The following SLC25A29 variants were observed in gnomAD, a reference collection of about 807,000 sequenced individuals.
SLC25A29 encodes the protein mitochondrial basic amino acids transporter.
A neutral mutation model predicts 10.0 loss-of-function variants in SLC25A29; 13 were observed. The ratio of observed to expected loss-of-function variants is 1.30; its 90% confidence interval spans 0.85 to 2.07. The LOEUF is 2.07. Among genes scored for constraint, SLC25A29 ranks in the 30% most tolerant of loss-of-function variants. The probability of loss-of-function intolerance (pLI) is 0.00; values close to 1 mark genes in which losing one functional copy is unlikely to be tolerated. For synonymous variants in SLC25A29, 244 were observed against 221.1 expected (o/e 1.10, Z -0.92); for missense variants, 475 against 447.6 (o/e 1.06, Z -0.55).
downstream of SLC25A29, among the ~76,000 whole-genome samples, chr14:100,288,002 C>T (rs926534250): frequency 6.6e-6 from 1 of 152,108 alleles, no homozygotes; most frequent in Admixed American, 6.6e-5. Context: ...GGTCAGAGAC[C>T]AGAGGTCAAG....
At chr14:100,290,226 T>C (rs940618772), downstream of SLC25A29, among the ~76,000 whole-genome samples, 4 of 152,310 alleles carry the variant, frequency 2.6e-5, no homozygotes, top group African/African-American at 9.6e-5. Flanking sequence ...CCTGAGAGAT[T>C]CAGCCACCCA....
rs1891830878 is a variant in SLC25A29, at chr14:100,292,760, C to T, written c.435G>A (p.Glu145=). ...TGCCCCGGTTGACGCCACGCAGACC[C>T]TCGTGCCCGTAGATCTGCGCGAGGC... ...LDCLAQIYGH[E]GLRGVNRGMV... Residue 145 remains glutamate (E), a synonymous_variant, in exon 4 of 4, where the codon GAG becomes GAA. Transcript: ENST00000359232. 1 of 1,601,232 alleles carries T rather than the reference C, an allele frequency of 6.2e-7. No individual in the cohort carries two copies. Among genetic ancestry groups the T allele is most frequent in the Non-Finnish European group, 8.5e-7 (1 of 1,175,360 alleles).
downstream of SLC25A29, among the ~76,000 whole-genome samples, chr14:100,287,672 G>C: frequency 7.8e-6 from 1 of 127,950 alleles, no homozygotes; most frequent in Non-Finnish European, 1.5e-5. Flanking sequence ...CCTCTGGCTT[G>C]GACTCCCTCA....
the SLC25A29 span, among the ~76,000 whole-genome samples, chr14:100,284,411 T>G: frequency 6.6e-6 from 1 of 152,200 alleles, no homozygotes; most frequent in Non-Finnish European, 1.5e-5. Context: ...CCTCGGTCCT[T>G]GCTGACCTCC....
intron 3 of SLC25A29, 28 bp from the exon 4 acceptor site, chr14:100,293,060 C>T (rs1046151434): frequency 2.7e-6 from 4 of 1,500,550 alleles, no homozygotes; most frequent in Admixed American, 2.2e-5. Flanking sequence ...CCATCAGAGC[C>T]GGCAACGCGC....
the SLC25A29 span, among the ~76,000 whole-genome samples, chr14:100,283,727 C>T: frequency 8.5e-5 from 13 of 152,138 alleles, no homozygotes; most frequent in African/African-American, 2.4e-4. Context: ...ACAATCCACC[C>T]GCCTCGGCCT....
chr14:100,293,698 G>A (rs1891942807), intron 2 of SLC25A29: 2 of 289,110 alleles, frequency 6.9e-6, no homozygotes, highest in Non-Finnish European at 1.3e-5. Flanking sequence ...ACGACCTCCT[G>A]AGACTGGCCC....
In SLC25A29 at chr14:100,292,533, C is replaced by T. The variant is rs753685933; in HGVS notation, c.662G>A (p.Gly221Glu). ...DVVKSRLQAD[G>E]LRGAPRYRGI... ...GCGGTAGCGCGGGGCGCCCCGCAGT[C>T]CGTCCGCCTGCAGCCGCGACTTGAC... Residue 221 changes from glycine to glutamate, a missense_variant, in exon 4 of 4, where the codon GGA (glycine) becomes GAA (glutamate). Coordinates refer to ENST00000359232, the MANE Select transcript of SLC25A29 (RefSeq NM_001039355.3). The T allele has an allele frequency of 1.6e-5, 26 of 1,593,768 alleles. No individual in the cohort carries two copies. The highest frequency in any genetic ancestry group is 2.2e-5 in the Non-Finnish European group (26 of 1,171,804).
At chr14:100,305,707 G>A (rs1406130298) in intron 1 of SLC25A29, 1 of 149,714 alleles carries the variant, frequency 6.7e-6, no homozygotes, top group African/African-American at 2.5e-5. Flanking sequence ...CTCGGCGCCA[G>A]AGTGGTTCAG....
rs551454213 is a variant in SLC25A29, at chr14:100,296,857, A to C, written c.78+1985T>G. Among the ~76,000 whole-genome samples the C allele has an allele frequency of 2.4e-4, 37 of 152,158 alleles. No homozygotes were observed. The South Asian group carries it at 6.0e-3, about 25-fold the overall frequency. ...TTGTGATCCGCCCGCCTCAGCCTCC[A>C]GAAGTGCTGGGATTACAGGCATGAG... On this transcript the variant is annotated intron_variant, in intron 2 of 3. Coordinates refer to ENST00000359232, the MANE Select transcript of SLC25A29 (RefSeq NM_001039355.3).
chr14:100,299,737 G>GGTCAGGTAA (rs1892416741), intron 1 of SLC25A29: 1 of 985,128 alleles, frequency 1.0e-6, no homozygotes, highest in African/African-American at 1.7e-5. Context: ...GGCTCAGTGA[G>GGTCAGGTAA]GTCAGGTAAC....
downstream of SLC25A29, among the ~76,000 whole-genome samples, chr14:100,286,336 T>C (rs1231269328): frequency 3.9e-5 from 6 of 152,184 alleles, no homozygotes; most frequent in African/African-American, 1.4e-4. Flanking sequence ...CATGTTCCCC[T>C]GTGTCTGCTC....
intron 2 of SLC25A29, 125 bp from the exon 3 acceptor site, chr14:100,293,502 C>A: frequency 1.4e-6 from 1 of 740,218 alleles, no homozygotes; most frequent in Non-Finnish European, 2.2e-6. Flanking sequence ...CAGTCTAAGA[C>A]TTTTGTAATT....
the SLC25A29 span, chr14:100,282,295 T>C: frequency 9.4e-5 from 3 of 31,752 alleles, no homozygotes; most frequent in South Asian, 3.1e-3. Context: ...ACCCAGATGC[T>C]GTAAAAAAAA....
At chr14:100,286,607 C>G (rs564065642), downstream of SLC25A29, among the ~76,000 whole-genome samples, 1 of 152,348 alleles carries the variant, frequency 6.6e-6, no homozygotes, top group East Asian at 1.9e-4. Flanking sequence ...CCCTCAGCCT[C>G]TGCCCTATCT....
rs773643567 is a variant in SLC25A29 at position 100,293,310 on chromosome 14, A to T, written c.146T>A (p.Ile49Asn). Residue 49 changes from isoleucine (I) to asparagine (N), a missense_variant, in exon 3 of 4, where the codon ATC becomes AAC. Transcript: ENST00000359232. ...GCCACTCACGCTCTCTTGCTTGATG[A>T]TGGACTTGAAGCAGTGCAACGTCCC... ...YRGTLHCFKS[I>N]IKQESVLGLY... The T allele has an allele frequency of 6.2e-7, 1 of 1,613,296 alleles. No homozygotes were observed. Among genetic ancestry groups the T allele is most frequent in the Non-Finnish European group, 8.5e-7 (1 of 1,179,974 alleles).
At chr14:100,305,667 C>T (rs1263065491) in intron 1 of SLC25A29, 1 of 150,320 alleles carries the variant, frequency 6.7e-6, no homozygotes, top group African/African-American at 2.5e-5. Flanking sequence ...CACAAAACCG[C>T]GTAGGAAGGG....
chr14:100,284,307 T>C, the SLC25A29 span, among the ~76,000 whole-genome samples: 3 of 152,256 alleles, frequency 2.0e-5, no homozygotes, highest in East Asian at 3.9e-4. Flanking sequence ...TCGGCCTCCC[T>C]GGTGTGCGGC....
At chr14:100,297,128 T>G (rs955958526) in intron 2 of SLC25A29, among the ~76,000 whole-genome samples, 1 of 152,114 alleles carries the variant, frequency 6.6e-6, no homozygotes, top group African/African-American at 2.4e-5. Flanking sequence ...GTTCAGCTTT[T>G]TAAGGTAGGT....
Sources: allele counts gnomAD v4.1 joint callset (sites outside exome capture counted in the v4.1 genomes callset), GRCh38; gene constraint gnomAD v4.1.1; transcripts MANE v1.5; gene names NCBI Gene and HGNC (gene_info 2026-07-23, HGNC 2026-07-21).